Variants in NBAS observed in about 807,000 individuals in gnomAD.
The protein encoded by NBAS is NBAS subunit of NRZ tethering complex, also known as NAG/BC035112 fusion.
Under a neutral mutation model 302.5 loss-of-function variants are expected in NBAS, and 219 were observed. That is an observed-to-expected ratio of 0.72 (90% CI 0.65 to 0.81). The LOEUF (loss-of-function observed/expected upper bound fraction) is 0.81. Ranked by LOEUF, NBAS falls within the 30% of genes least tolerant of loss-of-function variation. The pLI is 0.00. For synonymous variants in NBAS, 1,118 were observed against 1,021.6 expected, an observed-to-expected ratio of 1.09 and a Z score of -1.80; for missense variants, 2,932 against 2,841.6, an observed-to-expected ratio of 1.03 and a Z score of -0.72.
intron 21 of NBAS, among the ~76,000 whole-genome samples, chr2:15,444,623 G>A (rs1678623360): frequency 6.6e-6 from 1 of 152,058 alleles, no homozygotes; most frequent in African/African-American, 2.4e-5. Flanking sequence ...AACACCAAAA[G>A]CAATGGCAAC....
intron 47 of NBAS, among the ~76,000 whole-genome samples, chr2:15,229,908 T>G (rs895146744): frequency 2.6e-5 from 4 of 152,198 alleles, no homozygotes; most frequent in African/African-American, 9.7e-5. Context: ...TACTTTTTTA[T>G]GCAGTCTCCC....
chr2:14,821,349 T>C, the NBAS span, among the ~76,000 whole-genome samples: 1 of 152,092 alleles, frequency 6.6e-6, no homozygotes, highest in African/African-American at 2.4e-5. Flanking sequence ...CAGCTCTCAT[T>C]TGCATTTTCC....
intron 12 of NBAS, among the ~76,000 whole-genome samples, chr2:15,487,236 T>A (rs1246172435): frequency 1.3e-5 from 2 of 152,242 alleles, no homozygotes; most frequent in African/African-American, 4.8e-5. Flanking sequence ...TACTTTATCA[T>A]CATGCATTGA....
chr2:15,206,651 T>C (rs1013828137), intron 48 of NBAS, among the ~76,000 whole-genome samples: 1 of 152,176 alleles, frequency 6.6e-6, no homozygotes, highest in Admixed American at 6.5e-5. Context: ...GCCTTGGACA[T>C]GGTGCCCTGC....
At chr2:14,905,466 G>A in the NBAS span, among the ~76,000 whole-genome samples, 2 of 152,104 alleles carry the variant, frequency 1.3e-5, no homozygotes, top group African/African-American at 4.8e-5. Flanking sequence ...TGTCCCGCTC[G>A]GTGGCTGCGG....
At chr2:15,378,411 A>G (rs1292557160) in intron 30 of NBAS, among the ~76,000 whole-genome samples, 1 of 152,212 alleles carries the variant, frequency 6.6e-6, no homozygotes, top group African/African-American at 2.4e-5. Flanking sequence ...ACAGCAGCGT[A>G]TCAGTCAGCA....
intron 39 of NBAS, 148 bp from the exon 40 acceptor site, chr2:15,308,501 A>C (rs547124397): frequency 3.6e-4 from 369 of 1,011,176 alleles, no homozygotes; most frequent in Non-Finnish European, 5.1e-4. Flanking sequence ...AATAATGACT[A>C]TATTAAAAAT....
intron 9 of NBAS, among the ~76,000 whole-genome samples, chr2:15,525,182 A>G (rs546174779): frequency 2.0e-5 from 3 of 152,314 alleles, no homozygotes; most frequent in African/African-American, 7.2e-5. Flanking sequence ...TGGTTCTCCC[A>G]GGAGAAGTAA....
the NBAS span, among the ~76,000 whole-genome samples, chr2:14,853,686 T>C: frequency 2.0e-5 from 2 of 101,046 alleles, 1 homozygote; most frequent in Non-Finnish European, 3.9e-5. Flanking sequence ...TGTCCAACAA[T>C]GATAGACTGG....
At chr2:15,049,298 C>T in the NBAS span, among the ~76,000 whole-genome samples, 3 of 152,248 alleles carry the variant, frequency 2.0e-5, no homozygotes, top group Non-Finnish European at 4.4e-5. Flanking sequence ...AAGGCCACCA[C>T]TGCTGGCTCC....
intron 40 of NBAS, among the ~76,000 whole-genome samples, chr2:15,305,554 C>A (rs757181066): frequency 1.3e-5 from 2 of 150,978 alleles, no homozygotes; most frequent in Non-Finnish European, 2.9e-5. Flanking sequence ...CAGATTCAAG[C>A]GATTCGCCTG....
chr2:14,855,910 G>A, the NBAS span, among the ~76,000 whole-genome samples: 5 of 152,168 alleles, frequency 3.3e-5, no homozygotes, highest in African/African-American at 1.2e-4. Context: ...AGAGCCCCAG[G>A]GCATTGAACA....
At chr2:15,195,417 CACTCTGAAATGGG>C in intron 48 of NBAS, among the ~76,000 whole-genome samples, 1 of 152,094 alleles carries the variant, frequency 6.6e-6, no homozygotes. Context: ...TTTGATATGA[CACTCTGAAATGGG>C]GGAAAGATTA....
the NBAS span, among the ~76,000 whole-genome samples, chr2:14,858,588 CT>C: frequency 1.3e-5 from 2 of 151,958 alleles, no homozygotes; most frequent in Non-Finnish European, 2.9e-5. Context: ...CATCAACTCA[CT>C]TATTTATGAG....
the NBAS span, among the ~76,000 whole-genome samples, chr2:14,903,830 C>A: frequency 1.3e-5 from 2 of 151,782 alleles, no homozygotes; most frequent in Admixed American, 1.3e-4. Context: ...GCATGCCTGT[C>A]CCCCCCATCC....
At chr2:15,533,312 G>A (rs1369712079) in intron 9 of NBAS, among the ~76,000 whole-genome samples, 1 of 152,110 alleles carries the variant, frequency 6.6e-6, no homozygotes, top group Non-Finnish European at 1.5e-5. Flanking sequence ...TCAGAAGAAT[G>A]CATAATTATT....
chr2:15,071,353 C>T, the NBAS span, among the ~76,000 whole-genome samples: 28 of 152,258 alleles, frequency 1.8e-4, no homozygotes, highest in Admixed American at 1.4e-3. Flanking sequence ...GGGCCGGGCG[C>T]GGTGGCTCGC....
the NBAS span, among the ~76,000 whole-genome samples, chr2:14,866,412 A>T: frequency 2.0e-5 from 3 of 152,170 alleles, no homozygotes; most frequent in African/African-American, 7.2e-5. Flanking sequence ...ATGTTTGGTT[A>T]CTGGTTTGTA....
intron 12 of NBAS, chr2:15,483,451 G>A: frequency 3.6e-6 from 1 of 279,060 alleles, no homozygotes; most frequent in South Asian, 3.5e-5. Flanking sequence ...AGTACAAATA[G>A]ACAAATAATA....
Sources: allele counts gnomAD v4.1 joint callset (sites outside exome capture counted in the v4.1 genomes callset), GRCh38; gene constraint gnomAD v4.1.1; transcripts MANE v1.5; gene names NCBI Gene and HGNC (gene_info 2026-07-23, HGNC 2026-07-21).